Variants in PCID2 observed in about 807,000 individuals in gnomAD.
PCID2 encodes PCI domain-containing protein 2.
PCID2 carries 41 observed loss-of-function variants against 61.3 expected under a neutral mutation model. The ratio of observed to expected loss-of-function variants is 0.67; its 90% confidence interval spans 0.52 to 0.87. PCID2 has a LOEUF of 0.87. PCID2 is among the 40% of genes least tolerant of loss of function. The probability of loss-of-function intolerance (pLI) is 0.00; values close to 1 mark genes in which losing one functional copy is unlikely to be tolerated. For synonymous variants in PCID2, 187 were observed against 177.8 expected (o/e 1.05, Z -0.41); for missense variants, 392 against 493.4 (o/e 0.79, Z 1.95).
intron 2 of PCID2, among the ~76,000 whole-genome samples, chr13:113,199,099 T>C (rs984592550): frequency 6.6e-6 from 1 of 152,226 alleles, no homozygotes; most frequent in African/African-American, 2.4e-5. Context: ...TTTGCCAACT[T>C]GACTAGCTGT....
chr13:113,175,433 T>C (rs1162171148), downstream of PCID2, among the ~76,000 whole-genome samples: 49 of 152,098 alleles, frequency 3.2e-4, no homozygotes, highest in Non-Finnish European at 1.0e-4. Flanking sequence ...CTGGCAGAAA[T>C]TCCAATATTC....
the PCID2 span, among the ~76,000 whole-genome samples, chr13:113,169,125 G>A: frequency 6.6e-5 from 10 of 152,196 alleles, no homozygotes; most frequent in Admixed American, 2.6e-4. Flanking sequence ...CCATAGCTCA[G>A]AGATGGTCTG....
Position 113,180,174 on chromosome 13 carries a change from C to G in PCID2, c.844G>C (p.Val282Leu), listed in dbSNP as rs1349555514. The G allele has an allele frequency of 8.7e-6, 14 of 1,613,866 alleles. No individual in the cohort carries two copies. Among genetic ancestry groups the G allele is most frequent in the Non-Finnish European group, 1.1e-5 (13 of 1,179,872 alleles). Residue 282 changes from valine to leucine, a missense_variant, in exon 11 of 14, where the codon GTA becomes CTA. Val to Leu is a conservative substitution (Grantham distance 32, BLOSUM62 1). This residue lies in a region of PCID2 where 226 missense variants were observed against 296.5 expected (regional missense o/e 0.76). Coordinates refer to ENST00000337344, the MANE Select transcript of PCID2 (RefSeq NM_001127202.4). ...ATACTCTACCTCACAGCTCTGGTTA[C>G]TTCCGCAAACTGCATCAGGTGATAC... is the stretch of plus-strand genomic sequence containing the variant. ...KKYHLMQFAE[V>L]TRAVSEGNLL...
At chr13:113,208,377 C>T in intron 1 of PCID2, 1 of 1,435,594 alleles carries the variant, frequency 7.0e-7, no homozygotes, top group Non-Finnish European at 9.1e-7. Flanking sequence ...GATCCACGGA[C>T]ACCGCCCGGC....
chr13:113,182,632 T>C (rs1437461563), intron 9 of PCID2, among the ~76,000 whole-genome samples: 2 of 152,200 alleles, frequency 1.3e-5, no homozygotes, highest in Non-Finnish European at 2.9e-5. Context: ...CCCGAGTAGC[T>C]GGGACTACAG....
chr13:113,180,152 C>A lies in PCID2; in HGVS notation c.860+6G>T, dbSNP rs1431562725. The A allele has an allele frequency of 2.5e-6, 4 of 1,613,724 alleles. No individual in the cohort carries two copies. Among genetic ancestry groups the A allele is most frequent in the Non-Finnish European group, 3.4e-6 (4 of 1,179,784 alleles). On this transcript the variant is annotated splice_donor_region_variant and intron_variant, in intron 11 of 13. Coordinates refer to ENST00000337344, the MANE Select transcript of PCID2 (RefSeq NM_001127202.4). ...AACCCCAAACAGGAAGGATGGCATA[C>A]TCTACCTCACAGCTCTGGTTACTTC... is the stretch of plus-strand genomic sequence containing the variant.
intron 1 of PCID2, 146 bp from the exon 2 acceptor site, chr13:113,200,662 G>T (rs1331628262): frequency 1.1e-5 from 6 of 555,454 alleles, no homozygotes; most frequent in Non-Finnish European, 1.9e-5. Flanking sequence ...GTAACAGATG[G>T]TCACTACTCT....
chr13:113,194,151 C>A (rs905632636), intron 6 of PCID2, among the ~76,000 whole-genome samples: 2 of 152,182 alleles, frequency 1.3e-5, no homozygotes, highest in Non-Finnish European at 2.9e-5. Context: ...ACTGCTAGCC[C>A]AGGGTGGAGG....
At chr13:113,184,894 C>G (rs117363255) in intron 8 of PCID2, among the ~76,000 whole-genome samples, 1 of 151,746 alleles carries the variant, frequency 6.6e-6, no homozygotes, top group African/African-American at 2.4e-5. Flanking sequence ...GGGCGCAGCC[C>G]TGCAGGAGCC....
At chr13:113,172,425 T>C in the PCID2 span, 1 of 383,052 alleles carries the variant, frequency 2.6e-6, no homozygotes, top group Admixed American at 3.7e-5. Flanking sequence ...CCAAGTCCAG[T>C]GTTCCCTGTG....
intron 6 of PCID2, among the ~76,000 whole-genome samples, chr13:113,194,148 G>T (rs1182675325): frequency 6.6e-6 from 1 of 152,160 alleles, no homozygotes; most frequent in Non-Finnish European, 1.5e-5. Flanking sequence ...ATTACTGCTA[G>T]CCCAGGGTGG....
downstream of PCID2, among the ~76,000 whole-genome samples, chr13:113,174,887 C>T (rs985402202): frequency 1.3e-5 from 2 of 152,228 alleles, no homozygotes; most frequent in Admixed American, 6.5e-5. Context: ...CCCATGTGTA[C>T]GCCCGTGGAC....
chr13:113,185,346 T>A lies in PCID2; in HGVS notation c.543+139A>T, dbSNP rs77095054. ...GCACCTAGTAGGCATTCAACAAATG[T>A]TTGCTATTAGGACTAGGAATACGGT... On this transcript the variant is annotated intron_variant, in intron 8 of 13. Transcript: ENST00000337344. The A allele has an allele frequency of 1.4e-4, 88 of 649,714 alleles. No homozygotes were observed. In the African/African-American group the frequency reaches 1.4e-3, roughly 10 times the overall value. 40.2% of individuals were successfully genotyped at this position (649,714 alleles called of 1,614,324 possible).
chr13:113,182,554 C>T (rs2037739263), intron 9 of PCID2, among the ~76,000 whole-genome samples: 1 of 152,208 alleles, frequency 6.6e-6, no homozygotes, highest in South Asian at 2.1e-4. Context: ...AGCTGGAGTG[C>T]AGTGGCGCGA....
At chr13:113,165,105 G>C in the PCID2 span, 28 of 1,612,144 alleles carry the variant, frequency 1.7e-5, no homozygotes, top group Non-Finnish European at 2.4e-5. Context: ...CGGATCTACA[G>C]GACCTCCCGT....
At chr13:113,175,203 G>A (rs2037168279), downstream of PCID2, among the ~76,000 whole-genome samples, 1 of 152,128 alleles carries the variant, frequency 6.6e-6, no homozygotes, top group African/African-American at 2.4e-5. Flanking sequence ...CTTTATAGCA[G>A]CGTGAGAACG....
intron 5 of PCID2, among the ~76,000 whole-genome samples, chr13:113,195,875 A>T (rs758218618): frequency 6.6e-6 from 1 of 152,262 alleles, no homozygotes; most frequent in South Asian, 2.1e-4. Context: ...GTTTAAAACC[A>T]AAAGTTCAAA....
intron 4 of PCID2, among the ~76,000 whole-genome samples, chr13:113,196,502 T>TA (rs1177696100): frequency 6.6e-6 from 1 of 152,224 alleles, no homozygotes; most frequent in Non-Finnish European, 1.5e-5. Flanking sequence ...TCTGACATTT[T>TA]ATTTGGTTTC....
the PCID2 span, among the ~76,000 whole-genome samples, chr13:113,171,187 C>T: frequency 6.6e-6 from 1 of 152,142 alleles, no homozygotes; most frequent in African/African-American, 2.4e-5. This position sits in a 1 kb window ranked among gnomAD's most constrained non-coding sequence, Gnocchi z 5.1. Flanking sequence ...CCTCCCGAAG[C>T]GCTGGGATTA....
Sources: gnomAD v4.1 joint callset for allele counts (sites outside exome capture counted in the v4.1 genomes callset) on GRCh38, gnomAD v4.1.1 for gene constraint, gnomAD v4.1.1 regional missense constraint, Gnocchi (gnomAD v3.1) non-coding constraint, MANE v1.5 for transcripts, NCBI Gene and HGNC (gene_info 2026-07-23, HGNC 2026-07-21) for gene names.